Variants in RYR1 observed in about 807,000 individuals in gnomAD.
RYR1 encodes the protein ryanodine receptor 1.
Under a neutral mutation model 583.5 loss-of-function variants are expected in RYR1, and 342 were observed. The observed-to-expected ratio is 0.59, with a 90% CI of 0.54 to 0.64. The LOEUF (loss-of-function observed/expected upper bound fraction) is 0.64. Among genes scored for constraint, RYR1 ranks in the 30% least tolerant of loss-of-function variants. The pLI, the probability that RYR1 is intolerant of heterozygous loss-of-function variation, is 0.00. For synonymous variants in RYR1, 2,791 were observed against 2,822.5 expected (o/e 0.99, Z 0.35); for missense variants, 6,032 against 6,917.2 (o/e 0.87, Z 4.54).
chr19:38,503,572 A>G (rs1473792057), intron 49 of RYR1, among the ~76,000 whole-genome samples: 1 of 152,164 alleles, frequency 6.6e-6, no homozygotes, highest in Admixed American at 6.5e-5. Context: ...CAGGAGTTCG[A>G]GACCAGCCTG....
At chr19:38,539,159 AT>A (rs1972096656) in intron 84 of RYR1, among the ~76,000 whole-genome samples, 1 of 151,442 alleles carries the variant, frequency 6.6e-6, no homozygotes, top group South Asian at 2.1e-4. Flanking sequence ...TTTGTCTTGA[AT>A]TTTCAAAAGC....
chr19:38,466,433 TACCCCAACTCTG>T (rs1968111126), intron 24 of RYR1, 35 bp downstream of exon 24: 1 of 1,528,952 alleles, frequency 6.5e-7, no homozygotes, highest in Non-Finnish European at 8.8e-7. Context: ...CCCTGACTCC[TACCCCAACTCTG>T]ACCCCAGCCC....
intron 11 of RYR1, among the ~76,000 whole-genome samples, chr19:38,449,070 TGGAG>T (rs1329588345): frequency 1.3e-5 from 2 of 151,202 alleles, no homozygotes; most frequent in African/African-American, 4.9e-5. Flanking sequence ...TATATCTACA[TGGAG>T]AGAGAGAGAG....
intron 96 of RYR1, 124 bp downstream of exon 96, chr19:38,573,431 C>T (rs1242118974): frequency 1.0e-5 from 13 of 1,286,512 alleles, no homozygotes; most frequent in African/African-American, 3.0e-5. Flanking sequence ...CCTGTAATCC[C>T]GGCACTTTGG....
chr19:38,498,886 C>T (rs1046587228), intron 42 of RYR1, among the ~76,000 whole-genome samples: 2 of 152,202 alleles, frequency 1.3e-5, no homozygotes, highest in Admixed American at 6.5e-5. Context: ...ACTTAGAATG[C>T]CTTAACCATC....
At chr19:38,479,742 G>T (rs1968918492) in intron 31 of RYR1, among the ~76,000 whole-genome samples, 1 of 151,746 alleles carries the variant, frequency 6.6e-6, no homozygotes, top group Non-Finnish European at 1.5e-5. Flanking sequence ...TTGAGACAGG[G>T]TTTCGCTCTG....
At chr19:38,489,715 G>C (rs933119623) in intron 35 of RYR1, among the ~76,000 whole-genome samples, 1 of 152,062 alleles carries the variant, frequency 6.6e-6, no homozygotes, top group Admixed American at 6.6e-5. Flanking sequence ...TGTAACCTCC[G>C]CCTCCCGGGT....
rs1973389746 is a variant in RYR1, at chr19:38,565,754, C to T, written c.13420C>T (p.Leu4474Phe). The T allele has an allele frequency of 1.4e-6, 2 of 1,412,624 alleles. No individual in the cohort carries two copies. The highest frequency in any genetic ancestry group is 3.0e-5 in the East Asian group (1 of 33,834). The allele number at this position is 1,412,624 out of a possible 1,614,324, so 87.5% of individuals were successfully genotyped here. A position where few individuals can be genotyped will look rare whatever the true frequency, so the allele number is the denominator to read the frequency against. ...EPPTPEGSPI[L>F]KRKLGVDGVE... ...GCCCACACCCGAGGGCTCTCCCATCCTCAAGAGGAAATTGGGGGTGAGAGA... is the reference window on the plus strand; with the variant it reads ...GCCCACACCCGAGGGCTCTCCCATCTTCAAGAGGAAATTGGGGGTGAGAGA... The change falls in exon 91 of 106, where the codon CTC becomes TTC. Residue 4474 changes from leucine to phenylalanine, a missense_variant. Leu to Phe is a conservative substitution (Grantham distance 22). Transcript: ENST00000359596. The surrounding 1 kb of genome is among the most constrained non-coding windows in gnomAD (Gnocchi z 4.7).
At chr19:38,541,197 T>A (rs1972174433) in intron 84 of RYR1, among the ~76,000 whole-genome samples, 1 of 152,170 alleles carries the variant, frequency 6.6e-6, no homozygotes. Context: ...TGATCTGGGG[T>A]TGGGCCTGAG....
chr19:38,575,440 G>A (rs941701573), intron 96 of RYR1, among the ~76,000 whole-genome samples: 3 of 150,570 alleles, frequency 2.0e-5, no homozygotes, highest in Non-Finnish European at 3.0e-5. Flanking sequence ...CGGGAGGGGG[G>A]ATCACCTGAG....
In RYR1 at chr19:38,547,638, G is replaced by C. The variant is rs138663817; in HGVS notation, c.12095-595G>C. ...TATGTCTCAGTTTCTCTTCCTAAAA[G>C]TAGAGTCACACACTTCCCTTTTTGT... On this transcript the variant is annotated intron_variant, in intron 88 of 105. Transcript: ENST00000359596. 5.1e-3 allele frequency among the ~76,000 whole-genome samples: 777 copies of C among 152,008 alleles called. 5 individuals are homozygous for C. Among genetic ancestry groups the C allele is most frequent in the African/African-American group, 0.018 (744 of 41,434 alleles).
chr19:38,452,240 C>G (rs1260472725), intron 12 of RYR1, among the ~76,000 whole-genome samples: 1 of 151,514 alleles, frequency 6.6e-6, no homozygotes, highest in Non-Finnish European at 1.5e-5. Context: ...AGTTCGAGAC[C>G]AGCCTGAGCA....
chr19:38,496,689 ACAATAGTGACCC>A lies in RYR1; in HGVS notation c.6796+159_6797-149del, dbSNP rs1309851375. On this transcript the variant is annotated intron_variant, in intron 41 of 105. Transcript: ENST00000359596. This position sits in a 1 kb window ranked among gnomAD's most constrained non-coding sequence, Gnocchi z 4.8. ...CCCTGTAATGAGTAATGCTGGGGAC[ACAATAGTGACCC>A]CAATAGTGACAGCCCAGAGTGGTCA... 7 of 1,201,956 alleles carry A rather than the reference ACAATAGTGACCC, an allele frequency of 5.8e-6. No homozygotes were observed. Among genetic ancestry groups the A allele is most frequent in the East Asian group, 4.9e-5 (2 of 40,774 alleles). 74.5% of individuals were successfully genotyped at this position (1,201,956 alleles called of 1,614,324 possible).
chr19:38,497,108 C>T (rs1263217065), intron 42 of RYR1, among the ~76,000 whole-genome samples, 154 bp downstream of exon 42: 5 of 152,132 alleles, frequency 3.3e-5, no homozygotes, highest in South Asian at 2.1e-4. Flanking sequence ...AGGGAGAGAA[C>T]GGCACCCAGT....
intron 78 of RYR1, among the ~76,000 whole-genome samples, chr19:38,532,980 G>C (rs976197399): frequency 1.3e-5 from 2 of 151,594 alleles, no homozygotes; most frequent in Non-Finnish European, 2.9e-5. Flanking sequence ...AGGGGTCAGG[G>C]CTGGGATTGA....
Position 38,462,185 on chromosome 19 carries a change from A to G in RYR1, c.2578-1238A>G, listed in dbSNP as rs116504725. 2.9e-3 allele frequency among the ~76,000 whole-genome samples: 441 copies of G among 151,716 alleles called. 2 individuals are homozygous for G. Among genetic ancestry groups the G allele is most frequent in the African/African-American group, 0.01 (426 of 41,344 alleles). On this transcript the variant is annotated intron_variant, in intron 20 of 105. Transcript: ENST00000359596. ...TCAGTCACGTGATCTTGGGCATGTG[A>G]CCTCCCCTCCCTGAGCCTCAGTTTG...
At chr19:38,507,006 A>G (rs1316804481) in intron 57 of RYR1, 54 bp downstream of exon 57, 14 of 1,610,936 alleles carry the variant, frequency 8.7e-6, no homozygotes, top group Non-Finnish European at 1.1e-5. Context: ...CACCCGGCAA[A>G]GGCTGGAAGG....
chr19:38,578,972 T>C (rs968244984), intron 99 of RYR1, among the ~76,000 whole-genome samples: 1 of 151,478 alleles, frequency 6.6e-6, no homozygotes, highest in South Asian at 2.1e-4. Flanking sequence ...AATACAAAAA[T>C]TAGCCAGGCG....
At chr19:38,569,299 A>C (rs545024793) in intron 93 of RYR1, among the ~76,000 whole-genome samples, 1 of 150,956 alleles carries the variant, frequency 6.6e-6, no homozygotes. Flanking sequence ...GAGCCACTGC[A>C]CCTGGCCGAA....
Sources: gnomAD v4.1 joint callset for allele counts (sites outside exome capture counted in the v4.1 genomes callset) on GRCh38, gnomAD v4.1.1 for gene constraint, Gnocchi (gnomAD v3.1) non-coding constraint, MANE v1.5 for transcripts, NCBI Gene and HGNC (gene_info 2026-07-23, HGNC 2026-07-21) for gene names.